The following CACNA1E variants were observed in gnomAD, a reference collection of about 807,000 sequenced individuals.
The protein encoded by CACNA1E is voltage-dependent R-type calcium channel subunit alpha-1E.
Under a neutral mutation model 259.2 loss-of-function variants are expected in CACNA1E, and 40 were observed. The observed-to-expected ratio is 0.15, with a 90% CI of 0.12 to 0.20. CACNA1E has a LOEUF of 0.20. Ranked by LOEUF, CACNA1E falls within the 10% of genes least tolerant of loss-of-function variation. CACNA1E has a pLI of 1.00. For synonymous variants in CACNA1E, 1,104 were observed against 1,138.5 expected, an observed-to-expected ratio of 0.97 and a Z score of 0.61; for missense variants, 1,874 against 3,040.1, an observed-to-expected ratio of 0.62 and a Z score of 9.02.
At chr1:181,494,282 C>T (rs879652794) in intron 1 of CACNA1E, among the ~76,000 whole-genome samples, 7 of 150,978 alleles carry the variant, frequency 4.6e-5, no homozygotes, top group Non-Finnish European at 1.0e-4. Flanking sequence ...GCATTTAACA[C>T]ATTAGTTTGA....
At chr1:181,617,335 A>G (rs1199428873) in intron 6 of CACNA1E, among the ~76,000 whole-genome samples, 1 of 148,370 alleles carries the variant, frequency 6.7e-6, no homozygotes, top group Admixed American at 6.7e-5. Context: ...TCATCATGGT[A>G]TTTTGTACCT....
intron 7 of CACNA1E, among the ~76,000 whole-genome samples, chr1:181,693,992 G>A (rs1451070826): frequency 6.6e-6 from 1 of 152,130 alleles, no homozygotes; most frequent in Admixed American, 6.6e-5. Flanking sequence ...TAGGATATGA[G>A]GCAAGGGGAA....
chr1:181,527,264 C>G (rs940429329), intron 3 of CACNA1E, among the ~76,000 whole-genome samples: 1 of 152,232 alleles, frequency 6.6e-6, no homozygotes, highest in African/African-American at 2.4e-5. Context: ...TCTGTGTCCT[C>G]ACATGGTAGA....
At chr1:181,558,908 C>A (rs1022743836) in intron 3 of CACNA1E, among the ~76,000 whole-genome samples, 5 of 152,080 alleles carry the variant, frequency 3.3e-5, no homozygotes, top group African/African-American at 1.2e-4. Context: ...AGAGAAAAAG[C>A]TATGGAGTTC....
chr1:181,786,027 G>A (rs1347536009), intron 43 of CACNA1E, among the ~76,000 whole-genome samples: 4 of 152,202 alleles, frequency 2.6e-5, no homozygotes, highest in East Asian at 1.9e-4. Context: ...TGTGGTCAAC[G>A]TCGGTGATCA....
At chr1:181,427,780 C>CCCCT (rs1295875971) in intron 2 of CACNA1E, among the ~76,000 whole-genome samples, 16 of 147,518 alleles carry the variant, frequency 1.1e-4, no homozygotes, top group African/African-American at 4.0e-4. Flanking sequence ...GGAAAAATTC[C>CCCCT]CCCTCCCTCC....
chr1:181,785,799 G>A lies in CACNA1E; in HGVS notation c.5766G>A (p.Gln1922=). 6.2e-7 allele frequency: 1 copy of A among 1,608,950 alleles called. No individual in the cohort carries two copies. Among genetic ancestry groups the A allele is most frequent in the Non-Finnish European group, 8.5e-7 (1 of 1,178,344 alleles). ...ATGCCAAAGCCCTGCCTTACCTCCA[G>A]CAGGACCCCGTTTCAGGCCTGTGAG... ...IANAKALPYL[Q]QDPVSGLSGR... The change falls in exon 43 of 48, where the codon CAG becomes CAA. Residue 1922 remains glutamine, a synonymous_variant. Coordinates refer to ENST00000367573, the MANE Select transcript of CACNA1E (RefSeq NM_001205293.3).
intron 1 of CACNA1E, among the ~76,000 whole-genome samples, chr1:181,506,982 GC>G (rs1665766341): frequency 6.6e-6 from 1 of 151,956 alleles, no homozygotes. Context: ...AGGTCTAGAT[GC>G]CCTATAAGGC....
At chr1:181,627,257 T>C (rs1281409362) in intron 6 of CACNA1E, among the ~76,000 whole-genome samples, 2 of 152,188 alleles carry the variant, frequency 1.3e-5, no homozygotes, top group African/African-American at 4.8e-5. Context: ...TACCAGTAAC[T>C]GATTCAAGAA....
intron 36 of CACNA1E, 38 bp downstream of exon 36, chr1:181,771,422 T>C (rs758700401): frequency 1.4e-5 from 15 of 1,086,872 alleles, no homozygotes; most frequent in Non-Finnish European, 1.5e-5. Flanking sequence ...GGGGTTCTCC[T>C]GATGGAGGGA....
intron 6 of CACNA1E, among the ~76,000 whole-genome samples, chr1:181,616,590 C>T (rs533362070): frequency 1.6e-4 from 25 of 152,042 alleles, no homozygotes; most frequent in East Asian, 9.7e-4. Context: ...GGTGCACACC[C>T]GTAGTCCCAG....
chr1:181,525,881 A>G (rs1667318667), intron 3 of CACNA1E, among the ~76,000 whole-genome samples: 1 of 152,214 alleles, frequency 6.6e-6, no homozygotes, highest in Admixed American at 6.5e-5. Flanking sequence ...GGGTAATTGG[A>G]TCTAGGGGAG....
intron 3 of CACNA1E, among the ~76,000 whole-genome samples, chr1:181,576,684 A>G (rs1217303548): frequency 1.3e-5 from 2 of 152,188 alleles, no homozygotes; most frequent in Non-Finnish European, 2.9e-5. Context: ...AGTAGCTGAG[A>G]TTGTTCTGGA....
At chr1:181,442,877 C>T (rs566460407) in intron 2 of CACNA1E, among the ~76,000 whole-genome samples, 6 of 152,278 alleles carry the variant, frequency 3.9e-5, no homozygotes, top group East Asian at 1.9e-4. Flanking sequence ...CTGTCCCATA[C>T]GTGGGCTGCT....
At chr1:181,623,490 T>C (rs1655912076) in intron 6 of CACNA1E, among the ~76,000 whole-genome samples, 1 of 152,220 alleles carries the variant, frequency 6.6e-6, no homozygotes, top group Non-Finnish European at 1.5e-5. Flanking sequence ...TAAATAACAT[T>C]ATATAGATTT....
At chr1:181,785,868 C>T (rs1308270338) in intron 43 of CACNA1E, 49 bp downstream of exon 43, 2 of 1,275,480 alleles carry the variant, frequency 1.6e-6, no homozygotes, top group East Asian at 4.6e-5. Context: ...AATCTGTCAC[C>T]CATGCTGTTG....
chr1:181,735,444 G>A (rs1017992369), intron 21 of CACNA1E, among the ~76,000 whole-genome samples: 1 of 152,244 alleles, frequency 6.6e-6, no homozygotes, highest in Non-Finnish European at 1.5e-5. Flanking sequence ...GGGTTCCAGG[G>A]TGGAGTCATT....
At chr1:181,325,641 T>TTTTATTTATTTATTTA (rs71571275) in intron 1 of CACNA1E, among the ~76,000 whole-genome samples, 30 of 149,512 alleles carry the variant, frequency 2.0e-4, no homozygotes, top group Non-Finnish European at 2.8e-4. Flanking sequence ...AGTTTTTTAT[T>TTTTATTTATTTATTTA]TTTATTTATT....
intron 1 of CACNA1E, among the ~76,000 whole-genome samples, chr1:181,379,741 A>C (rs1466467118): frequency 6.6e-6 from 1 of 152,132 alleles, no homozygotes; most frequent in Non-Finnish European, 1.5e-5. Context: ...CTCACCTTCT[A>C]ATATCAGATT....
Sources: gnomAD v4.1 joint callset for allele counts (sites outside exome capture counted in the v4.1 genomes callset) on GRCh38, gnomAD v4.1.1 for gene constraint, MANE v1.5 for transcripts, NCBI Gene and HGNC (gene_info 2026-07-23, HGNC 2026-07-21) for gene names.